Variants in CFAP161 observed in about 807,000 individuals in gnomAD.
CFAP161 encodes the protein cilia and flagella associated protein 161.
CFAP161 carries 25 observed loss-of-function variants against 29.0 expected under a neutral mutation model. The ratio of observed to expected loss-of-function variants is 0.86; its 90% CI spans 0.63 to 1.20. The LOEUF is 1.20. Among genes scored for constraint, CFAP161 ranks in the 50% most tolerant of loss-of-function variants. CFAP161 has a pLI of 0.00. For synonymous variants in CFAP161, 116 were observed against 137.4 expected, an observed-to-expected ratio of 0.84 and a Z score of 1.09; for missense variants, 367 against 371.9, an observed-to-expected ratio of 0.99 and a Z score of 0.11.
Position 81,138,107 on chromosome 15 carries a change from G to A in CFAP161, c.449G>A (p.Gly150Glu), listed in dbSNP as rs1894843258. 4.3e-6 allele frequency: 7 copies of A among 1,613,020 alleles called. No homozygotes were observed. The highest frequency in any genetic ancestry group is 5.1e-6 in the Non-Finnish European group (6 of 1,178,996). The change falls in exon 4 of 7, where the codon GGG (glycine) becomes GAG (glutamate). Residue 150 changes from glycine (G) to glutamate (E), a missense_variant. By Grantham distance (98) the Gly-to-Glu change is moderately conservative. Coordinates refer to ENST00000286732, the MANE Select transcript of CFAP161 (RefSeq NM_173528.4). The part of the protein sequence containing the change: ...VLRYGQDFCL[G>E]ITGGFDNKML... ...AGATATGGGCAGGACTTTTGCCTGG[G>A]GATAACAGGAGGATTTGACAACAAA...
At chr15:81,148,187 C>A in intron 6 of CFAP161, 151 bp from the exon 7 acceptor site, 3 of 838,948 alleles carry the variant, frequency 3.6e-6, no homozygotes, top group South Asian at 1.9e-5. Context: ...TAAGGTGTAA[C>A]CTCCCTGCAA....
chr15:81,133,694 AAGGG>A (rs1182219809), upstream of CFAP161, among the ~76,000 whole-genome samples: 2 of 152,054 alleles, frequency 1.3e-5, no homozygotes, highest in African/African-American at 4.8e-5. Flanking sequence ...AGGAGGGAGC[AAGGG>A]AGGGAGGGAG....
intron 1 of CFAP161, among the ~76,000 whole-genome samples, chr15:81,122,496 T>TTTC (rs1894587199): frequency 3.4e-5 from 1 of 29,118 alleles, no homozygotes; most frequent in Admixed American, 3.0e-4. Context: ...TCTTTCTTTC[T>TTTC]TTTTTTTTTT....
upstream of CFAP161, among the ~76,000 whole-genome samples, chr15:81,133,694 A>AAGGG (rs1182219809): frequency 1.3e-5 from 2 of 151,956 alleles, no homozygotes. Context: ...AGGAGGGAGC[A>AAGGG]AGGGAGGGAG....
chr15:81,106,230 CAT>C (rs1286071504), intron 1 of CFAP161, among the ~76,000 whole-genome samples: 2 of 152,318 alleles, frequency 1.3e-5, no homozygotes, highest in African/African-American at 4.8e-5. Flanking sequence ...GCAAGAAAGA[CAT>C]AGTTTGGGGG....
At chr15:81,102,977 C>G (rs1346700363) in intron 1 of CFAP161, among the ~76,000 whole-genome samples, 1 of 152,106 alleles carries the variant, frequency 6.6e-6, no homozygotes, top group African/African-American at 2.4e-5. Context: ...GTCTGCCAGA[C>G]AAGCCTTTAA....
intron 1 of CFAP161, among the ~76,000 whole-genome samples, chr15:81,119,955 T>C (rs1894550921): frequency 6.6e-6 from 1 of 152,116 alleles, no homozygotes; most frequent in South Asian, 2.1e-4. Flanking sequence ...AAATAAGTTA[T>C]TATCCAGAGT....
At chr15:81,115,280 A>G (rs1282266432) in intron 1 of CFAP161, among the ~76,000 whole-genome samples, 3 of 152,144 alleles carry the variant, frequency 2.0e-5, no homozygotes, top group South Asian at 4.1e-4. Context: ...TTTTTGATCA[A>G]TATCTTTTTC....
intron 1 of CFAP161, among the ~76,000 whole-genome samples, chr15:81,125,051 C>T (rs575610442): frequency 1.3e-5 from 2 of 151,092 alleles, no homozygotes; most frequent in South Asian, 4.2e-4. Context: ...ATTTATTTAA[C>T]ATAACATAAC....
intron 1 of CFAP161, 139 bp downstream of exon 1, chr15:81,134,537 C>T (rs1894775590): frequency 2.3e-6 from 2 of 858,788 alleles, no homozygotes; most frequent in Non-Finnish European, 3.6e-6. Flanking sequence ...TCCCCCACTT[C>T]TCTAAACTCC....
rs746720780 is a variant in CFAP161 at position 81,143,662 on chromosome 15, T to C, written c.478T>C (p.Leu160=). 2.4e-5 allele frequency: 38 copies of C among 1,609,602 alleles called. No individual in the cohort carries two copies. In the South Asian group the frequency reaches 3.9e-4, roughly 16 times the overall value. The part of the protein sequence containing the change: ...GITGGFDNKM[L]YLSSDHRTLL... ...TGCATCTGCTTGCTGTCATTTTCAG[T>C]TGTATTTGTCAAGTGACCACAGGAC... The change falls in exon 5 of 7, where the codon TTG becomes CTG. Residue 160 remains leucine, a splice_region_variant and synonymous_variant. Transcript: ENST00000286732.
chr15:81,110,144 T>G (rs1300326821), intron 1 of CFAP161, among the ~76,000 whole-genome samples: 1 of 152,194 alleles, frequency 6.6e-6, no homozygotes, highest in African/African-American at 2.4e-5. Context: ...TGCAAAATTT[T>G]TTTAAATCCA....
chr15:81,108,387 G>A (rs1894401052), intron 1 of CFAP161, among the ~76,000 whole-genome samples: 1 of 151,640 alleles, frequency 6.6e-6, no homozygotes, highest in Admixed American at 6.6e-5. Flanking sequence ...GGGTCAATGA[G>A]AATCAGATGA....
At chr15:81,107,263 A>C (rs550248404) in intron 1 of CFAP161, among the ~76,000 whole-genome samples, 1 of 152,184 alleles carries the variant, frequency 6.6e-6, no homozygotes, top group Non-Finnish European at 1.5e-5. Context: ...CACACACGTC[A>C]TCTTACATAC....
chr15:81,131,844 C>G (rs1385304147), upstream of CFAP161, among the ~76,000 whole-genome samples: 1 of 151,840 alleles, frequency 6.6e-6, no homozygotes, highest in African/African-American at 2.4e-5. Flanking sequence ...GCAGCTCAAG[C>G]AGGATAAAAG....
At chr15:81,128,824 G>T (rs943457939) in intron 2 of CFAP161, among the ~76,000 whole-genome samples, 4 of 151,954 alleles carry the variant, frequency 2.6e-5, no homozygotes, top group Non-Finnish European at 5.9e-5. Context: ...GTATTTATTG[G>T]CTGGTTGTGG....
Position 81,135,256 on chromosome 15 carries a change from G to A in CFAP161, c.70-14G>A. The stretch of plus-strand genomic sequence containing the variant: ...TATATTATTCAGGGCTACTTTTGTT[G>A]ATTTTCTGTTTAGGAGCTCATGAAA... On this transcript the variant is annotated splice_polypyrimidine_tract_variant and intron_variant, in intron 1 of 6. Transcript: ENST00000286732. 1.3e-6 allele frequency: 2 copies of A among 1,553,580 alleles called. No homozygotes were observed. The highest frequency in any genetic ancestry group is 1.7e-6 in the Non-Finnish European group (2 of 1,148,438).
At chr15:81,138,908 G>C (rs1894857253) in intron 4 of CFAP161, among the ~76,000 whole-genome samples, 1 of 152,168 alleles carries the variant, frequency 6.6e-6, no homozygotes, top group Admixed American at 6.5e-5. Context: ...TTAGCAAGTA[G>C]CAGAGCTAGT....
intron 1 of CFAP161, 101 bp downstream of exon 1, chr15:81,134,499 T>G: frequency 8.4e-7 from 1 of 1,197,090 alleles, no homozygotes; most frequent in Non-Finnish European, 1.2e-6. Context: ...CTCCTCTCTC[T>G]CCCAGCATAC....
Sources: allele counts gnomAD v4.1 joint callset (sites outside exome capture counted in the v4.1 genomes callset), GRCh38; gene constraint gnomAD v4.1.1; transcripts MANE v1.5; gene names NCBI Gene and HGNC (gene_info 2026-07-23, HGNC 2026-07-21).